Variants in CCDC169 observed in about 807,000 individuals in gnomAD.
The protein encoded by CCDC169 is coiled-coil domain-containing protein 169.
A neutral mutation model predicts 36.0 loss-of-function variants in CCDC169; 30 were observed. The observed-to-expected ratio is 0.83, with a 90% CI of 0.62 to 1.13. The LOEUF (loss-of-function observed/expected upper bound fraction) is 1.13. CCDC169 is among the 50% of genes most tolerant of loss of function. The pLI is 0.00. For synonymous variants in CCDC169, 85 were observed against 81.5 expected, an observed-to-expected ratio of 1.04 and a Z score of -0.23; for missense variants, 245 against 245.9, an observed-to-expected ratio of 1.00 and a Z score of 0.03.
chr13:36,276,688 T>A (rs1051815196), intron 4 of CCDC169, among the ~76,000 whole-genome samples: 6 of 151,904 alleles, frequency 3.9e-5, no homozygotes, highest in Non-Finnish European at 5.9e-5. Flanking sequence ...AAAATAGGGG[T>A]CATCACTTTT....
chr13:36,235,568 A>T (rs1055447017), intron 7 of CCDC169, among the ~76,000 whole-genome samples: 2 of 152,022 alleles, frequency 1.3e-5, no homozygotes, highest in Non-Finnish European at 2.9e-5. Context: ...GATAAGGAAC[A>T]AGTTAAGGAT....
chr13:36,252,229 C>T (rs1410629), intron 6 of CCDC169, among the ~76,000 whole-genome samples: 86,582 of 152,024 alleles, frequency 0.57, 25,537 homozygotes, highest in Non-Finnish European at 0.66. Flanking sequence ...CTAGGAGGAA[C>T]CAGTGCCTTC....
intron 4 of CCDC169, among the ~76,000 whole-genome samples, chr13:36,278,884 A>G (rs1594073982): frequency 6.6e-6 from 1 of 152,208 alleles, no homozygotes; most frequent in East Asian, 1.9e-4. Context: ...TGTGTAATAC[A>G]CACAAACAAA....
chr13:36,262,028 G>A (rs181638354), intron 4 of CCDC169, among the ~76,000 whole-genome samples: 2 of 152,236 alleles, frequency 1.3e-5, no homozygotes, highest in East Asian at 3.9e-4. Context: ...CCCCTGTTGA[G>A]AGACTGTCAC....
intron 4 of CCDC169, among the ~76,000 whole-genome samples, chr13:36,262,263 G>A (rs7338094): frequency 0.41 from 61,629 of 151,958 alleles, 13,270 homozygotes; most frequent in Non-Finnish European, 0.48. Flanking sequence ...AAAGGAGATG[G>A]GTGGAAATAA....
downstream of CCDC169, chr13:36,230,720 G>A: frequency 1.0e-6 from 1 of 966,758 alleles, no homozygotes; most frequent in African/African-American, 1.8e-5. Flanking sequence ...AAGATTGAAG[G>A]TTGTTCTACG....
chr13:36,227,475 T>C (rs1278855876), downstream of CCDC169: 2 of 1,142,806 alleles, frequency 1.8e-6, no homozygotes, highest in Non-Finnish European at 2.3e-6. Context: ...ATTGTATTTT[T>C]ACACACACAC....
At chr13:36,225,533 T>A (rs770333876), downstream of CCDC169, 1 of 152,164 alleles carries the variant, frequency 6.6e-6, no homozygotes, top group East Asian at 1.9e-4. Flanking sequence ...GATGTCGGCC[T>A]TGCAAAAGAA....
At chr13:36,275,156 C>T (rs985309441) in intron 4 of CCDC169, among the ~76,000 whole-genome samples, 2 of 152,052 alleles carry the variant, frequency 1.3e-5, no homozygotes, top group East Asian at 1.9e-4. Flanking sequence ...CGTGAGCCAC[C>T]GCGCTCGGCC....
At chr13:36,222,696 C>T (rs749029794), downstream of CCDC169, 5 of 152,096 alleles carry the variant, frequency 3.3e-5, no homozygotes. Flanking sequence ...AAATCTATAA[C>T]CAACAATGTG....
chr13:36,255,941 C>G (rs1873822536), intron 4 of CCDC169, among the ~76,000 whole-genome samples: 2 of 152,194 alleles, frequency 1.3e-5, no homozygotes, highest in Admixed American at 1.3e-4. Context: ...TGACCAGATG[C>G]AGGGCGCTCA....
downstream of CCDC169, chr13:36,223,194 G>A (rs992642514): frequency 1.3e-5 from 2 of 152,138 alleles, no homozygotes; most frequent in African/African-American, 4.8e-5. Context: ...ATTTTATGGA[G>A]TTATTTTTGT....
At chr13:36,286,200 T>C (rs1283150070) in intron 2 of CCDC169, among the ~76,000 whole-genome samples, 1 of 152,114 alleles carries the variant, frequency 6.6e-6, no homozygotes, top group Non-Finnish European at 1.5e-5. Flanking sequence ...CTGCCAAGAC[T>C]CTTTTGTCTT....
intron 4 of CCDC169, among the ~76,000 whole-genome samples, chr13:36,268,041 C>T (rs1310660664): frequency 6.6e-6 from 1 of 152,064 alleles, no homozygotes; most frequent in Non-Finnish European, 1.5e-5. Flanking sequence ...GACTTCAATA[C>T]ACCACTGACA....
intron 4 of CCDC169, among the ~76,000 whole-genome samples, chr13:36,268,086 A>G (rs9547042): frequency 0.25 from 38,697 of 152,078 alleles, 5,197 homozygotes; most frequent in East Asian, 0.49. Flanking sequence ...AAAGTCAACA[A>G]ACAATGAACT....
At chr13:36,228,328 T>A (rs1242455014), downstream of CCDC169, among the ~76,000 whole-genome samples, 1 of 152,158 alleles carries the variant, frequency 6.6e-6, no homozygotes, top group African/African-American at 2.4e-5. Context: ...ATACTCATGA[T>A]CTGTCTTTTT....
Position 36,258,468 on chromosome 13 carries a change from G to C in CCDC169, c.316-4325C>G, listed in dbSNP as rs550763037. On this transcript the variant is annotated intron_variant, in intron 4 of 7. Coordinates refer to ENST00000239859, the MANE Select transcript of CCDC169 (RefSeq NM_001144981.3). ...ATAAAAGGATGCAGTAAAGAAATGG[G>C]GCAAAACCCACCAAAACCCTAGATG... Among the ~76,000 whole-genome samples, 25 of 152,160 alleles carry C rather than the reference G, an allele frequency of 1.6e-4. No homozygotes were observed. The East Asian group carries it at 4.6e-3, about 28-fold the overall frequency.
intron 4 of CCDC169, among the ~76,000 whole-genome samples, chr13:36,267,435 G>C (rs1875461096): frequency 2.6e-5 from 4 of 152,052 alleles, no homozygotes; most frequent in Admixed American, 2.6e-4. Flanking sequence ...TACCAAACCA[G>C]CACTATAAGA....
chr13:36,244,671 A>AGAAGGAAGGAAG (rs71771388), intron 7 of CCDC169: 1 of 150,642 alleles, frequency 6.6e-6, no homozygotes, highest in African/African-American at 2.4e-5. Flanking sequence ...GAGGAAGGAA[A>AGAAGGAAGGAAG]GAAGGAAGGA....
Sources: allele counts gnomAD v4.1 joint callset (sites outside exome capture counted in the v4.1 genomes callset), GRCh38; gene constraint gnomAD v4.1.1; transcripts MANE v1.5; gene names NCBI Gene and HGNC (gene_info 2026-07-23, HGNC 2026-07-21).